The following SMPDL3A variants were observed in gnomAD, a reference collection of about 807,000 sequenced individuals.
SMPDL3A encodes sphingomyelin phosphodiesterase acid like 3A.
SMPDL3A carries 39 observed loss-of-function variants against 38.5 expected under a neutral mutation model. That is an observed-to-expected ratio of 1.01 (90% CI 0.78 to 1.32). The LOEUF (loss-of-function observed/expected upper bound fraction) is 1.32, where lower values mean the gene tolerates loss of function less well. Among genes scored for constraint, SMPDL3A ranks in the 40% most tolerant of loss-of-function variants. The pLI, the probability that SMPDL3A is intolerant of heterozygous loss-of-function variation, is 0.00. For synonymous variants in SMPDL3A, 180 were observed against 194.3 expected, an observed-to-expected ratio of 0.93 and a Z score of 0.61; for missense variants, 502 against 536.2, an observed-to-expected ratio of 0.94 and a Z score of 0.63.
intron 6 of SMPDL3A, 123 bp from the exon 7 acceptor site, chr6:122,806,110 T>G: frequency 1.3e-6 from 1 of 760,994 alleles, no homozygotes. Context: ...CAAGTCAGTA[T>G]CCATTAGTGA....
chr6:122,789,543 G>GGGCAGCTGCCCCCGGCAGA (rs1269295815), intron 1 of SMPDL3A, 85 bp downstream of exon 1: 2 of 1,213,746 alleles, frequency 1.6e-6, no homozygotes, highest in Non-Finnish European at 2.4e-6. Flanking sequence ...AAGTGCGTGG[G>GGGCAGCTGCCCCCGGCAGA]GGCAGCTGCC....
chr6:122,795,602 C>G, intron 1 of SMPDL3A, 75 bp from the exon 2 acceptor site: 4 of 1,136,326 alleles, frequency 3.5e-6, no homozygotes, highest in Non-Finnish European at 5.2e-6. Flanking sequence ...CGTCTCTAGT[C>G]TTAATATAAA....
At chr6:122,799,828 T>C (rs1486292508) in intron 3 of SMPDL3A, among the ~76,000 whole-genome samples, 1 of 152,198 alleles carries the variant, frequency 6.6e-6, no homozygotes, top group Non-Finnish European at 1.5e-5. Context: ...GAAATAGGTC[T>C]ATTTTACCAA....
At chr6:122,793,972 GA>G (rs376290754) in intron 1 of SMPDL3A, among the ~76,000 whole-genome samples, 3,703 of 151,876 alleles carry the variant, frequency 0.024, 300 homozygotes, top group Admixed American at 0.17. Flanking sequence ...CAAAAGTGTG[GA>G]AAAAAATCTC....
rs747861342 is a variant in SMPDL3A at position 122,808,601 on chromosome 6, C to T, written c.1045-490C>T. ...TTTTATTGAGCCTCCCTTCCTCCCT[C>T]CCTCCCTCCCTTCCTTCCTTCCTTC... is the stretch of plus-strand genomic sequence containing the variant. On this transcript the variant is annotated intron_variant, in intron 7 of 7. Transcript: ENST00000368440. Among the ~76,000 whole-genome samples, 222 of 53,140 alleles carry T rather than the reference C, an allele frequency of 4.2e-3. 2 individuals carry two copies. The highest frequency in any genetic ancestry group is 0.012 in the African/African-American group (195 of 15,832). 34.9% of individuals were successfully genotyped at this position (53,140 alleles called of 152,430 possible). A position where few individuals can be genotyped will look rare whatever the true frequency, so the allele number is the denominator to read the frequency against.
In SMPDL3A at chr6:122,806,239, C is replaced by T; in HGVS notation, c.926C>T (p.Pro309Leu). ...GTGCATACGTTTTGTTCAGGAAGTCCAGTAAATTCTTTGTTTGTGGCTCCT... is the reference window on the plus strand; with the variant it reads ...GTGCATACGTTTTGTTCAGGAAGTCTAGTAAATTCTTTGTTTGTGGCTCCT... ...IMVLSDKKGS[P>L]VNSLFVAPAV... The change falls in exon 7 of 8, where the codon CCA becomes CTA. Residue 309 changes from proline (P) to leucine (L), a missense_variant. By Grantham distance (98) the Pro-to-Leu change is moderately conservative. Coordinates refer to ENST00000368440, the MANE Select transcript of SMPDL3A (RefSeq NM_006714.5). 1.2e-6 allele frequency: 2 copies of T among 1,611,020 alleles called. No individual in the cohort carries two copies. Among genetic ancestry groups the T allele is most frequent in the African/African-American group, 1.3e-5 (1 of 74,916 alleles).
chr6:122,807,335 A>G (rs1164107906), intron 7 of SMPDL3A, among the ~76,000 whole-genome samples: 3 of 152,140 alleles, frequency 2.0e-5, no homozygotes, highest in Non-Finnish European at 4.4e-5. Context: ...CGTCTCCACT[A>G]AAAATACAAA....
At chr6:122,802,953 C>T (rs1187877223) in intron 4 of SMPDL3A, among the ~76,000 whole-genome samples, 2 of 152,106 alleles carry the variant, frequency 1.3e-5, no homozygotes, top group African/African-American at 4.8e-5. Context: ...AACTGACCTG[C>T]TAGTACCATA....
chr6:122,808,609 C>CCCTCCCTTCCTCCCTCCCTT (rs1781726574), intron 7 of SMPDL3A, among the ~76,000 whole-genome samples: 2 of 44,310 alleles, frequency 4.5e-5, no homozygotes, highest in Admixed American at 4.4e-4. Flanking sequence ...CTCCCTCCCT[C>CCCTCCCTTCCTCCCTCCCTT]CCTTCCTTCC....
chr6:122,798,378 G>T (rs1393373282), intron 3 of SMPDL3A, among the ~76,000 whole-genome samples: 1 of 152,188 alleles, frequency 6.6e-6, no homozygotes, highest in East Asian at 1.9e-4. Flanking sequence ...GTGGCAGGAA[G>T]ACTGGAATAT....
intron 7 of SMPDL3A, 119 bp downstream of exon 7, chr6:122,806,476 T>G: frequency 9.9e-7 from 1 of 1,008,832 alleles, no homozygotes; most frequent in Non-Finnish European, 1.4e-6. Context: ...TGAAATCTCC[T>G]GGCATCCTTC....
At position 122,796,814 on chromosome 6, in the gene SMPDL3A, C is replaced by CT. The variant is rs967036298; in HGVS notation, c.327-4dup. 8 of 1,607,896 alleles carry CT rather than the reference C, an allele frequency of 5.0e-6. No individual in the cohort carries two copies. The highest frequency in any genetic ancestry group is 2.7e-5 in the African/African-American group (2 of 74,604). On this transcript the variant is annotated splice_polypyrimidine_tract_variant and intron_variant, in intron 2 of 7. Coordinates refer to ENST00000368440, the MANE Select transcript of SMPDL3A (RefSeq NM_006714.5). Reference sequence around the variant, plus strand: ...TGATTTTGTTCTTTACAATCTCTCTCTTTTTTCAGGGATAGCCCACCTCAT... The same window carrying CT: ...TGATTTTGTTCTTTACAATCTCTCTCTTTTTTTCAGGGATAGCCCACCTCAT...
chr6:122,807,136 A>G (rs1781652455), intron 7 of SMPDL3A, among the ~76,000 whole-genome samples: 1 of 151,910 alleles, frequency 6.6e-6, no homozygotes, highest in South Asian at 2.1e-4. Flanking sequence ...CTTGGGCTCA[A>G]GTGATCCTCC....
rs1268562018 is a variant in SMPDL3A at position 122,792,498 on chromosome 6, G to C, written c.112+3040G>C. 3.3e-5 allele frequency among the ~76,000 whole-genome samples: 5 copies of C among 152,192 alleles called. No individual in the cohort carries two copies. The East Asian group carries it at 7.7e-4, about 23-fold the overall frequency. ...TAAATCTAGGTACTAAATTATATCA[G>C]AGGGGTGTACTCTTAATGCATTTCA... On this transcript the variant is annotated intron_variant, in intron 1 of 7. Transcript: ENST00000368440.
At chr6:122,807,085 G>T (rs766304589) in intron 7 of SMPDL3A, among the ~76,000 whole-genome samples, 2,343 of 84,630 alleles carry the variant, frequency 0.028, 45 homozygotes, top group African/African-American at 0.062. Flanking sequence ...TAGAGATGGG[G>T]GGGGGGGGTC....
chr6:122,797,540 C>T (rs1283663764), intron 3 of SMPDL3A, among the ~76,000 whole-genome samples: 8 of 152,166 alleles, frequency 5.3e-5, no homozygotes. Context: ...ACCCCCGGCT[C>T]AACAGGTTTT....
intron 3 of SMPDL3A, 80 bp downstream of exon 3, chr6:122,797,048 T>G: frequency 8.5e-7 from 1 of 1,177,894 alleles, no homozygotes; most frequent in Non-Finnish European, 1.2e-6. Context: ...AACTAGCTAG[T>G]GATAGGGCAT....
chr6:122,803,089 GC>G lies in SMPDL3A; in HGVS notation c.569-573del, dbSNP rs1562353136. 2.0e-5 allele frequency among the ~76,000 whole-genome samples: 3 copies of G among 152,162 alleles called. No homozygotes were observed. The East Asian group carries it at 5.8e-4, about 29-fold the overall frequency. ...GTAGGCTCAGGGCAAAGAAAGCTGG[GC>G]CAGATCTTAGTGCCCAGCTCTGAAA... On this transcript the variant is annotated intron_variant, in intron 4 of 7. Transcript: ENST00000368440.
At position 122,806,269 on chromosome 6, in the gene SMPDL3A, T is replaced by C. The variant is rs1781611842; in HGVS notation, c.956T>C (p.Val319Ala). Reference protein sequence around the residue: ...PVNSLFVAPAVTPVKSVLEKQ... With the variant: ...PVNSLFVAPAATPVKSVLEKQ... ...AATTCTTTGTTTGTGGCTCCTGCTG[T>C]TACACCAGTGAAGAGTGTTTTAGAA... is the stretch of plus-strand genomic sequence containing the variant. Residue 319 changes from valine (V) to alanine (A), a missense_variant, in exon 7 of 8, where the codon GTT (valine) becomes GCT (alanine). Coordinates refer to ENST00000368440, the MANE Select transcript of SMPDL3A (RefSeq NM_006714.5). 6.2e-7 allele frequency: 1 copy of C among 1,613,332 alleles called. No homozygotes were observed. Among genetic ancestry groups the C allele is most frequent in the Non-Finnish European group, 8.5e-7 (1 of 1,179,468 alleles).
Sources: gnomAD v4.1 joint callset for allele counts (sites outside exome capture counted in the v4.1 genomes callset) on GRCh38, gnomAD v4.1.1 for gene constraint, MANE v1.5 for transcripts, NCBI Gene and HGNC (gene_info 2026-07-23, HGNC 2026-07-21) for gene names.